Variants in CSMD1 observed in about 807,000 individuals in gnomAD.
CSMD1 encodes CUB and sushi domain-containing protein 1.
A neutral mutation model predicts 417.5 loss-of-function variants in CSMD1; 213 were observed. The observed-to-expected ratio is 0.51, with a 90% CI of 0.46 to 0.57. The LOEUF (loss-of-function observed/expected upper bound fraction) is 0.57. CSMD1 is among the 20% of genes least tolerant of loss of function. CSMD1 has a pLI of 0.00. For missense variants in CSMD1, 6,923 were observed against 4,529.7 expected (o/e 1.53, Z -15.17); for synonymous variants, 2,862 against 1,736.8 (o/e 1.65, Z -16.11).
intron 5 of CSMD1, among the ~76,000 whole-genome samples, chr8:3,795,157 T>TATAG (rs796554044): frequency 0.19 from 13,190 of 70,534 alleles, 2,502 homozygotes; most frequent in East Asian, 0.24. Flanking sequence ...CATGTACAGC[T>TATAG]ATAGATACCT....
At chr8:3,213,147 A>G (rs985044912) in intron 30 of CSMD1, among the ~76,000 whole-genome samples, 1 of 152,130 alleles carries the variant, frequency 6.6e-6, no homozygotes, top group Non-Finnish European at 1.5e-5. Context: ...AATATTTAAA[A>G]TGTTTATTTG....
chr8:2,993,576 T>C (rs1806602447), intron 54 of CSMD1, among the ~76,000 whole-genome samples: 1 of 152,142 alleles, frequency 6.6e-6, no homozygotes, highest in Admixed American at 6.5e-5. Flanking sequence ...GGATCCATCT[T>C]TTTTTCATCA....
intron 3 of CSMD1, among the ~76,000 whole-genome samples, chr8:4,384,898 A>G (rs1246755638): frequency 6.6e-6 from 1 of 152,188 alleles, no homozygotes; most frequent in Non-Finnish European, 1.5e-5. Context: ...GACTATCAAC[A>G]GAGTGGCTGG....
chr8:3,366,910 C>A, intron 20 of CSMD1, 122 bp downstream of exon 20: 1 of 792,934 alleles, frequency 1.3e-6, no homozygotes, highest in Non-Finnish European at 2.1e-6. Context: ...AATCAAGTCA[C>A]GCATGTACAA....
chr8:4,966,856 G>C (rs981365971), intron 1 of CSMD1, among the ~76,000 whole-genome samples: 7 of 152,122 alleles, frequency 4.6e-5, no homozygotes, highest in African/African-American at 1.7e-4. Flanking sequence ...AGTTAATTAT[G>C]TAAGATCATC....
chr8:3,643,037 G>A (rs1367260582), intron 7 of CSMD1, among the ~76,000 whole-genome samples: 1 of 152,130 alleles, frequency 6.6e-6, no homozygotes, highest in African/African-American at 2.4e-5. Context: ...GCACAGAGGA[G>A]GAAAAAATCC....
intron 5 of CSMD1, among the ~76,000 whole-genome samples, chr8:3,945,531 G>A (rs992742744): frequency 3.3e-5 from 5 of 151,560 alleles, no homozygotes; most frequent in African/African-American, 7.3e-5. Flanking sequence ...AGTGAAAGGC[G>A]TTGATTCATA....
intron 3 of CSMD1, among the ~76,000 whole-genome samples, chr8:4,112,496 T>C (rs911036872): frequency 2.0e-5 from 3 of 152,130 alleles, no homozygotes; most frequent in African/African-American, 4.8e-5. Flanking sequence ...GAGTGACCCA[T>C]CCTGAATACA....
At chr8:4,365,926 C>G (rs932248849) in intron 3 of CSMD1, among the ~76,000 whole-genome samples, 2 of 151,716 alleles carry the variant, frequency 1.3e-5, no homozygotes, top group African/African-American at 4.8e-5. Flanking sequence ...TTATTTTTTT[C>G]TTTTTTGAAA....
intron 7 of CSMD1, among the ~76,000 whole-genome samples, chr8:3,656,105 G>C (rs551396583): frequency 6.6e-6 from 1 of 152,180 alleles, no homozygotes; most frequent in African/African-American, 2.4e-5. Flanking sequence ...GCTACCAGAA[G>C]ATCATGGGGT....
intron 3 of CSMD1, among the ~76,000 whole-genome samples, chr8:4,111,325 G>C (rs1801843229): frequency 6.6e-6 from 1 of 152,200 alleles, no homozygotes; most frequent in East Asian, 1.9e-4. Context: ...GAAAGAATCT[G>C]CTGTTACGAA....
intron 7 of CSMD1, among the ~76,000 whole-genome samples, chr8:3,681,062 A>G (rs1329453302): frequency 6.6e-6 from 1 of 152,204 alleles, no homozygotes; most frequent in Non-Finnish European, 1.5e-5. Flanking sequence ...GCTATTTAAG[A>G]CAAACCCACA....
intron 2 of CSMD1, among the ~76,000 whole-genome samples, chr8:4,618,621 C>G (rs1801609387): frequency 6.6e-6 from 1 of 152,088 alleles, no homozygotes. Flanking sequence ...AGCTTCAGAT[C>G]TGAAATGAAT....
At chr8:3,943,904 C>A (rs1311794164) in intron 5 of CSMD1, among the ~76,000 whole-genome samples, 1 of 152,000 alleles carries the variant, frequency 6.6e-6, no homozygotes, top group Non-Finnish European at 1.5e-5. Flanking sequence ...ACCTGTGATG[C>A]TGAATTAGGT....
chr8:4,072,852 T>A (rs1469091746), intron 3 of CSMD1, among the ~76,000 whole-genome samples: 1 of 152,156 alleles, frequency 6.6e-6, no homozygotes, highest in Non-Finnish European at 1.5e-5. Context: ...TACAACAATT[T>A]AGAAGCTTGA....
chr8:4,616,738 T>C (rs1382885209), intron 2 of CSMD1, among the ~76,000 whole-genome samples: 5 of 152,218 alleles, frequency 3.3e-5, no homozygotes, highest in Non-Finnish European at 7.3e-5. Flanking sequence ...TCATTGTGTA[T>C]GTTTTCCAGG....
intron 5 of CSMD1, among the ~76,000 whole-genome samples, chr8:3,762,229 A>G (rs976046971): frequency 6.6e-6 from 1 of 151,958 alleles, no homozygotes; most frequent in Non-Finnish European, 1.5e-5. Flanking sequence ...CTCCTGACTC[A>G]GATCATCCCA....
At chr8:4,621,746 C>T (rs1801790765) in intron 2 of CSMD1, among the ~76,000 whole-genome samples, 1 of 151,884 alleles carries the variant, frequency 6.6e-6, no homozygotes, top group African/African-American at 2.4e-5. Flanking sequence ...CAGACAAAAG[C>T]CCCTCATGTA....
intron 3 of CSMD1, among the ~76,000 whole-genome samples, chr8:4,216,014 C>A (rs1800646775): frequency 6.6e-6 from 1 of 152,154 alleles, no homozygotes; most frequent in African/African-American, 2.4e-5. Context: ...CCACAAATAG[C>A]CAGTCCTCTA....
Sources: gnomAD v4.1 joint callset for allele counts (sites outside exome capture counted in the v4.1 genomes callset) on GRCh38, gnomAD v4.1.1 for gene constraint, MANE v1.5 for transcripts, NCBI Gene and HGNC (gene_info 2026-07-23, HGNC 2026-07-21) for gene names.